The following PGAP2 variants were observed in gnomAD, a reference collection of about 807,000 sequenced individuals.
The protein encoded by PGAP2 is acyltransferase PGAP2.
A neutral mutation model predicts 33.2 loss-of-function variants in PGAP2; 21 were observed. The ratio of observed to expected loss-of-function variants is 0.63; its 90% confidence interval spans 0.45 to 0.91. The LOEUF is 0.91. Ranked by LOEUF, PGAP2 falls within the 40% of genes least tolerant of loss-of-function variation. The pLI, the probability that PGAP2 is intolerant of heterozygous loss-of-function variation, is 0.00. For missense variants in PGAP2, 345 were observed against 424.0 expected, an observed-to-expected ratio of 0.81 and a Z score of 1.64; for synonymous variants, 161 against 172.9, an observed-to-expected ratio of 0.93 and a Z score of 0.54.
upstream of PGAP2, among the ~76,000 whole-genome samples, chr11:3,807,792 G>T (rs1360084382): frequency 1.3e-5 from 2 of 152,206 alleles, no homozygotes; most frequent in Non-Finnish European, 2.9e-5. Flanking sequence ...TGTGCTTGCA[G>T]GAGGAATTCT....
At chr11:3,804,983 T>C (rs2084070981), upstream of PGAP2, among the ~76,000 whole-genome samples, 1 of 152,216 alleles carries the variant, frequency 6.6e-6, no homozygotes, top group African/African-American at 2.4e-5. Flanking sequence ...ATTACAGGCG[T>C]GAGCCACCGC....
chr11:3,806,864 G>A (rs2084436616), upstream of PGAP2, among the ~76,000 whole-genome samples: 1 of 151,842 alleles, frequency 6.6e-6, no homozygotes, highest in African/African-American at 2.4e-5. Context: ...TCTACTAAAA[G>A]TACAAAAATT....
At chr11:3,805,941 T>C (rs2084250958), upstream of PGAP2, among the ~76,000 whole-genome samples, 1 of 151,190 alleles carries the variant, frequency 6.6e-6, no homozygotes, top group East Asian at 2.0e-4. Flanking sequence ...CACCTTGGCC[T>C]CCCAAAGTGC....
rs529803772 is a variant in PGAP2, at chr11:3,802,981, C to T, written c.139+4999C>T. 1.2e-4 allele frequency among the ~76,000 whole-genome samples: 18 copies of T among 147,828 alleles called. No homozygotes were observed. The South Asian group carries it at 2.6e-3, about 21-fold the overall frequency. On this transcript the variant is annotated intron_variant, in intron 1 of 6. Transcript: ENST00000300730. ...AGCTGGGACTACAGGCGCCTGCCAC[C>T]ACACCCGGCTAATTTTTTTTTTTTC...
chr11:3,820,027 A>G (rs1326275379), intron 3 of PGAP2, among the ~76,000 whole-genome samples: 1 of 152,094 alleles, frequency 6.6e-6, no homozygotes, highest in East Asian at 1.9e-4. Flanking sequence ...CCTGTTCCCA[A>G]CAGTGGTCAG....
At chr11:3,798,603 T>G (rs2082941266) in intron 1 of PGAP2, among the ~76,000 whole-genome samples, 1 of 150,566 alleles carries the variant, frequency 6.6e-6, no homozygotes, top group African/African-American at 2.5e-5. Flanking sequence ...AGTGCTGGGA[T>G]TACAGACGTG....
At chr11:3,817,609 G>T (rs527486161) in intron 3 of PGAP2, 74 bp downstream of exon 3, 1 of 1,222,640 alleles carries the variant, frequency 8.2e-7, no homozygotes, top group African/African-American at 1.5e-5. Context: ...TTAGATAGTG[G>T]AGAGGAAGTG....
chr11:3,813,104 G>C (rs1424878428), intron 2 of PGAP2, among the ~76,000 whole-genome samples: 1 of 152,132 alleles, frequency 6.6e-6, no homozygotes, highest in African/African-American at 2.4e-5. Flanking sequence ...CCCTCCTCTG[G>C]GTGCCCACAG....
intron 3 of PGAP2, chr11:3,817,761 G>T (rs1293028797): frequency 5.9e-6 from 4 of 675,152 alleles, no homozygotes; most frequent in South Asian, 4.5e-5. Flanking sequence ...AAATGCAAGG[G>T]AGATGACGGG....
chr11:3,802,137 G>A (rs2083554088), intron 1 of PGAP2, among the ~76,000 whole-genome samples: 1 of 139,646 alleles, frequency 7.2e-6, no homozygotes, highest in African/African-American at 2.6e-5. Context: ...GTAAGCAAAT[G>A]AGTACATTCA....
At position 3,825,415 on chromosome 11, in the gene PGAP2, A is replaced by G. The variant is rs1192869508; in HGVS notation, c.905A>G (p.Lys302Arg). The change falls in exon 7 of 7, where the codon AAG becomes AGG. Residue 302 changes from lysine to arginine, a missense_variant. Physicochemically the swap from Lys to Arg is conservative, Grantham distance 26. This residue lies in a region of PGAP2 where 311 missense variants were observed against 353.6 expected (regional missense o/e 0.88). Coordinates refer to ENST00000278243, the MANE Select transcript of PGAP2 (RefSeq NM_014489.4). ...ACGGCCTGGTGGGACTTCGGGAACA[A>G]GGAGCTGCTCATAACCTCTCAGCCT... ...HMTAWWDFGN[K>R]ELLITSQPEE... is the part of the protein sequence containing the mutation. 6.2e-7 allele frequency: 1 copy of G among 1,613,782 alleles called. No homozygotes were observed. Among genetic ancestry groups the G allele is most frequent in the Non-Finnish European group, 8.5e-7 (1 of 1,179,994 alleles).
intron 1 of PGAP2, among the ~76,000 whole-genome samples, chr11:3,801,319 C>G (rs2083409780): frequency 6.6e-6 from 1 of 151,854 alleles, no homozygotes; most frequent in Admixed American, 6.6e-5. Context: ...CAGATAAGGC[C>G]TCAATAAATG....
At chr11:3,825,180 A>G (rs768105783) in intron 6 of PGAP2, 52 bp downstream of exon 6, 32 of 1,593,542 alleles carry the variant, frequency 2.0e-5, no homozygotes, top group Non-Finnish European at 2.5e-5. Flanking sequence ...CGGGGCAGCA[A>G]TGATGTTTTT....
chr11:3,823,676 TAGCTGGGGA>T, intron 3 of PGAP2, 198 bp from the exon 4 acceptor site: 1 of 1,564,392 alleles, frequency 6.4e-7, no homozygotes, highest in Non-Finnish European at 8.6e-7. Context: ...AATCCCAGGA[TAGCTGGGGA>T]ATGAGAATCC....
chr11:3,825,312 T>C lies in PGAP2; in HGVS notation c.818-16T>C, dbSNP rs2089838450. On this transcript the variant is annotated splice_polypyrimidine_tract_variant and intron_variant, in intron 6 of 6. Coordinates refer to ENST00000278243, the MANE Select transcript of PGAP2 (RefSeq NM_014489.4). ...TGGAAGTTCACCATGTCCTGTTCCTTGTGTCCTCACAACAGTGTACACCAT... is the reference window on the plus strand; with the variant it reads ...TGGAAGTTCACCATGTCCTGTTCCTCGTGTCCTCACAACAGTGTACACCAT... 1 of 1,611,218 alleles carries C rather than the reference T, an allele frequency of 6.2e-7. No individual in the cohort carries two copies. The highest frequency in any genetic ancestry group is 8.5e-7 in the Non-Finnish European group (1 of 1,178,488).
Position 3,817,469 on chromosome 11 carries a change from C to T in PGAP2, c.282C>T (p.Gly94=), listed in dbSNP as rs749449494. 2.0e-5 allele frequency: 32 copies of T among 1,614,010 alleles called. 1 individual carries two copies. In the South Asian group the frequency reaches 3.5e-4, roughly 18 times the overall value. Residue 94 remains glycine, a synonymous_variant, in exon 3 of 7, where the codon GGC becomes GGT. Transcript: ENST00000278243. ...GGGCCATCACTTTTCCTGTGTTCGG[C>T]TTCTTCTTCTGCATCATCTGGTCCC... ...VWWAITFPVF[G]FFFCIIWSLV...
intron 1 of PGAP2, among the ~76,000 whole-genome samples, chr11:3,802,448 G>C (rs1036952407): frequency 1.3e-5 from 2 of 152,098 alleles, no homozygotes; most frequent in Non-Finnish European, 2.9e-5. Flanking sequence ...TAAAGACAAG[G>C]AGTTTGATGC....
In PGAP2 at chr11:3,812,640, G is replaced by A. The variant is rs936247731; in HGVS notation, c.165+1216G>A. ...TAGGTGGAGAAGAGGCAGATTCTGC[G>A]CATGGACCATTGGGGTCCCTCAGAG... On this transcript the variant is annotated intron_variant, in intron 2 of 6. Transcript: ENST00000278243. Among the ~76,000 whole-genome samples the A allele has an allele frequency of 4.6e-5, 7 of 152,162 alleles. No individual in the cohort carries two copies. In the East Asian group the frequency reaches 7.7e-4, roughly 17 times the overall value.
chr11:3,806,362 G>A (rs941312259), upstream of PGAP2, among the ~76,000 whole-genome samples: 8 of 152,058 alleles, frequency 5.3e-5, no homozygotes, highest in Non-Finnish European at 8.8e-5. Flanking sequence ...ATTTGTCCTG[G>A]GACCTTAAAG....
Sources: gnomAD v4.1 joint callset for allele counts (sites outside exome capture counted in the v4.1 genomes callset) on GRCh38, gnomAD v4.1.1 for gene constraint, gnomAD v4.1.1 regional missense constraint, MANE v1.5 for transcripts, NCBI Gene and HGNC (gene_info 2026-07-23, HGNC 2026-07-21) for gene names.